The following RCSD1 variants were observed in gnomAD, a reference collection of about 807,000 sequenced individuals.
The protein encoded by RCSD1 is RCSD domain containing 1.
Under a neutral mutation model 42.5 loss-of-function variants are expected in RCSD1, and 26 were observed. That is an observed-to-expected ratio of 0.61 (90% CI 0.45 to 0.85). RCSD1 has a LOEUF of 0.85. Ranked by LOEUF, RCSD1 falls within the 40% of genes least tolerant of loss-of-function variation. RCSD1 has a pLI of 0.00. For synonymous variants in RCSD1, 220 were observed against 212.2 expected, an observed-to-expected ratio of 1.04 and a Z score of -0.32; for missense variants, 571 against 528.3, an observed-to-expected ratio of 1.08 and a Z score of -0.79.
chr1:167,663,086 T>C (rs1397367217), intron 1 of RCSD1, among the ~76,000 whole-genome samples: 1 of 152,208 alleles, frequency 6.6e-6, no homozygotes, highest in Non-Finnish European at 1.5e-5. Context: ...TGGCCTCGCC[T>C]GCCTCCCAGC....
intron 1 of RCSD1, among the ~76,000 whole-genome samples, chr1:167,634,906 A>G (rs1657797586): frequency 6.6e-6 from 1 of 151,562 alleles, no homozygotes; most frequent in African/African-American, 2.4e-5. Flanking sequence ...TCATGTCTTT[A>G]CATTCTCACA....
At chr1:167,701,313 T>TTTCTTTCTTTC in intron 6 of RCSD1, among the ~76,000 whole-genome samples, 1 of 148,424 alleles carries the variant, frequency 6.7e-6, no homozygotes, top group South Asian at 2.2e-4. Context: ...TCTTTCTTTC[T>TTTCTTTCTTTC]TTCTTTTTTT....
chr1:167,674,474 G>A (rs1030036429), intron 1 of RCSD1, among the ~76,000 whole-genome samples: 1 of 152,108 alleles, frequency 6.6e-6, no homozygotes. Flanking sequence ...CAGTTTTATT[G>A]AGATATCGTT....
At chr1:167,654,423 T>C (rs1255015808) in intron 1 of RCSD1, among the ~76,000 whole-genome samples, 1 of 152,186 alleles carries the variant, frequency 6.6e-6, no homozygotes, top group African/African-American at 2.4e-5. Context: ...CAGTACAAGT[T>C]TATCAAGGAT....
At chr1:167,657,165 G>A (rs1041055388) in intron 1 of RCSD1, among the ~76,000 whole-genome samples, 1 of 152,254 alleles carries the variant, frequency 6.6e-6, no homozygotes, top group African/African-American at 2.4e-5. Flanking sequence ...TCAATCTATA[G>A]ATGTTGATTC....
In RCSD1 at chr1:167,694,234, G is replaced by A. The variant is rs369188685; in HGVS notation, c.406G>A (p.Glu136Lys). 15 of 1,614,048 alleles carry A rather than the reference G, an allele frequency of 9.3e-6. No homozygotes were observed. Among genetic ancestry groups the A allele is most frequent in the Non-Finnish European group, 1.3e-5 (15 of 1,180,044 alleles). ...CCCTGGTGTGCGATCTAGGCCCAGC[G>A]AGGCAGAGGAGGTGCCTGTCAGCTT... is the stretch of plus-strand genomic sequence containing the variant. The part of the protein sequence containing the change: ...SSPGVRSRPS[E>K]AEEVPVSFDQ... Residue 136 changes from glutamate (E) to lysine (K), a missense_variant, in exon 5 of 7, where the codon GAG becomes AAG. By Grantham distance (56) the Glu-to-Lys change is moderately conservative (BLOSUM62 1). Transcript: ENST00000367854.
At position 167,704,954 on chromosome 1, in the gene RCSD1, A is replaced by T. The variant is rs1458912473; in HGVS notation, c.*258A>T. ...CATTTGATGGACTTGGTTCAACAAC[A>T]AGAACTTACTTAAAACAATGTACTG... On this transcript the variant is annotated 3_prime_UTR_variant, in exon 7 of 7. Transcript: ENST00000367854. 6 of 446,856 alleles carry T rather than the reference A, an allele frequency of 1.3e-5. No homozygotes were observed. In the Admixed American group the frequency reaches 2.1e-4, roughly 16 times the overall value. The allele number at this position is 446,856 out of a possible 1,614,324, so 27.7% of individuals were successfully genotyped here.
At chr1:167,632,851 T>C (rs1008004963) in intron 1 of RCSD1, among the ~76,000 whole-genome samples, 2 of 152,008 alleles carry the variant, frequency 1.3e-5, no homozygotes, top group Non-Finnish European at 2.9e-5. Context: ...AAAGAGGAAA[T>C]CTAGGGGCCA....
intron 1 of RCSD1, among the ~76,000 whole-genome samples, chr1:167,649,486 C>G (rs1658249200): frequency 6.6e-6 from 1 of 152,194 alleles, no homozygotes; most frequent in South Asian, 2.1e-4. Flanking sequence ...TTACAGCTCT[C>G]AAAAACCACA....
intron 1 of RCSD1, among the ~76,000 whole-genome samples, chr1:167,655,918 C>T (rs1315605291): frequency 1.3e-5 from 2 of 152,142 alleles, no homozygotes; most frequent in East Asian, 3.8e-4. Flanking sequence ...GGGAAAAACA[C>T]CATGTTCTAC....
In RCSD1 at chr1:167,704,953, C is replaced by G; in HGVS notation, c.*257C>G. 2.2e-6 allele frequency: 1 copy of G among 447,412 alleles called. No homozygotes were observed. Among genetic ancestry groups the G allele is most frequent in the Non-Finnish European group, 4.2e-6 (1 of 240,204 alleles). 27.7% of individuals were successfully genotyped at this position (447,412 alleles called of 1,614,324 possible). A position where few individuals can be genotyped will look rare whatever the true frequency, so the allele number is the denominator to read the frequency against. On this transcript the variant is annotated 3_prime_UTR_variant, in exon 7 of 7. Coordinates refer to ENST00000367854, the MANE Select transcript of RCSD1 (RefSeq NM_052862.4). ...TCATTTGATGGACTTGGTTCAACAA[C>G]AAGAACTTACTTAAAACAATGTACT...
chr1:167,653,097 C>G (rs1215607089), intron 1 of RCSD1, among the ~76,000 whole-genome samples: 1 of 152,148 alleles, frequency 6.6e-6, no homozygotes, highest in East Asian at 1.9e-4. Flanking sequence ...TCCTGGCAGC[C>G]TTTTATCATT....
intron 1 of RCSD1, among the ~76,000 whole-genome samples, chr1:167,635,267 A>G (rs1269670314): frequency 6.6e-6 from 1 of 152,274 alleles, no homozygotes; most frequent in Non-Finnish European, 1.5e-5. Context: ...CTCTGAAGCT[A>G]GAGTTTGGCT....
At chr1:167,702,640 G>T (rs1007021948) in intron 6 of RCSD1, among the ~76,000 whole-genome samples, 2 of 152,148 alleles carry the variant, frequency 1.3e-5, no homozygotes, top group South Asian at 2.1e-4. Flanking sequence ...TTAGCCAGGG[G>T]TGGTGGCGTG....
In RCSD1 at chr1:167,705,183, G is replaced by C. The variant is rs1486526200; in HGVS notation, c.*487G>C. On this transcript the variant is annotated 3_prime_UTR_variant, in exon 7 of 7. Coordinates refer to ENST00000367854, the MANE Select transcript of RCSD1 (RefSeq NM_052862.4). ...ATCAGTTAAAAACTAATTTTAGGTG[G>C]CCATAAACATAAAATAGAAACCCTG... is the stretch of plus-strand genomic sequence containing the variant. 1 of 153,124 alleles carries C rather than the reference G, an allele frequency of 6.5e-6. No individual in the cohort carries two copies. Among genetic ancestry groups the C allele is most frequent in the East Asian group, 1.9e-4 (1 of 5,212 alleles). The allele number at this position is 153,124 out of a possible 1,614,324, so 9.5% of individuals were successfully genotyped here.
chr1:167,685,286 CA>C, intron 2 of RCSD1, 134 bp from the exon 3 acceptor site: 1 of 598,132 alleles, frequency 1.7e-6, no homozygotes, highest in South Asian at 2.4e-5. Flanking sequence ...AATATTCCTA[CA>C]CTTCCCTAAC....
intron 1 of RCSD1, 86 bp from the exon 2 acceptor site, chr1:167,683,814 T>C: frequency 8.0e-7 from 1 of 1,243,644 alleles, no homozygotes; most frequent in South Asian, 1.3e-5. Flanking sequence ...GTCACAGCAT[T>C]CCTGCTTGCA....
chr1:167,682,875 G>T (rs1258390934), intron 1 of RCSD1, among the ~76,000 whole-genome samples: 1 of 152,192 alleles, frequency 6.6e-6, no homozygotes, highest in Non-Finnish European at 1.5e-5. Context: ...CGAAGTCTGT[G>T]TAAGAAATGC....
In RCSD1 at chr1:167,707,926, C is replaced by T. The variant is rs1204360927; in HGVS notation, c.*3230C>T. ...GGCCAGGCTGGTCTCAAACTCCTGG[C>T]CTCTAGTGATCTGCCTGCCTCGGTC... On this transcript the variant is annotated 3_prime_UTR_variant, in exon 7 of 7. Transcript: ENST00000367854. Among the ~76,000 whole-genome samples, 4 of 152,198 alleles carry T rather than the reference C, an allele frequency of 2.6e-5. No individual in the cohort carries two copies. The highest frequency in any genetic ancestry group is 6.5e-5 in the Admixed American group (1 of 15,278).
Sources: allele counts gnomAD v4.1 joint callset (sites outside exome capture counted in the v4.1 genomes callset), GRCh38; gene constraint gnomAD v4.1.1; transcripts MANE v1.5; gene names NCBI Gene and HGNC (gene_info 2026-07-23, HGNC 2026-07-21).